Variants in FGD6 observed in about 807,000 individuals in gnomAD.
FGD6 encodes FYVE, RhoGEF and PH domain containing 6, also known as FYVE, RhoGEF and PH domain-containing protein 6.
Under a neutral mutation model 149.4 loss-of-function variants are expected in FGD6, and 90 were observed. That is an observed-to-expected ratio of 0.60 (90% CI 0.51 to 0.72). The LOEUF (loss-of-function observed/expected upper bound fraction) is 0.72, where lower values mean the gene tolerates loss of function less well. Among genes scored for constraint, FGD6 ranks in the 30% least tolerant of loss-of-function variants. The pLI is 0.00. For missense variants in FGD6, 1,437 were observed against 1,684.8 expected, an observed-to-expected ratio of 0.85 and a Z score of 2.57; for synonymous variants, 527 against 584.0, an observed-to-expected ratio of 0.90 and a Z score of 1.41.
chr12:95,094,528 T>C, intron 15 of FGD6, 64 bp downstream of exon 15: 1 of 1,109,530 alleles, frequency 9.0e-7, no homozygotes, highest in South Asian at 1.4e-5. Context: ...TAAACCCCTG[T>C]GAAATGTTTA....
intron 8 of FGD6, among the ~76,000 whole-genome samples, 189 bp from the exon 9 acceptor site, chr12:95,113,890 C>A (rs148012265): frequency 1.3e-5 from 2 of 152,192 alleles, no homozygotes; most frequent in East Asian, 3.9e-4. Context: ...AGAGTCAGAG[C>A]TAGAAAAAGC....
chr12:95,137,711 T>TAAAG (rs764168994), intron 6 of FGD6, 33 bp from the exon 7 acceptor site: 1 of 1,477,664 alleles, frequency 6.8e-7, no homozygotes, highest in South Asian at 1.4e-5. Context: ...CAAAAAAATA[T>TAAAG]AAAGAGAGAT....
At chr12:95,100,062 C>A (rs980568799) in intron 14 of FGD6, among the ~76,000 whole-genome samples, 1 of 137,046 alleles carries the variant, frequency 7.3e-6, no homozygotes, top group Non-Finnish European at 1.6e-5. Flanking sequence ...TGATCCCCCC[C>A]CCCCCCACCC....
chr12:95,121,113 AAAAT>A (rs1425540457), intron 8 of FGD6, among the ~76,000 whole-genome samples: 8 of 152,290 alleles, frequency 5.3e-5, no homozygotes, highest in African/African-American at 1.7e-4. Flanking sequence ...CTCAAAAAAT[AAAAT>A]AAATAAAATG....
intron 9 of FGD6, among the ~76,000 whole-genome samples, chr12:95,110,019 C>G (rs949606018): frequency 6.6e-6 from 1 of 151,838 alleles, no homozygotes. Flanking sequence ...CTCTGTCACC[C>G]AGGTTGGAGT....
At chr12:95,122,137 T>G (rs1879209362) in intron 8 of FGD6, among the ~76,000 whole-genome samples, 1 of 152,228 alleles carries the variant, frequency 6.6e-6, no homozygotes, top group Admixed American at 6.5e-5. Flanking sequence ...ATATCCTATT[T>G]ATTTCTATAC....
Position 95,149,300 on chromosome 12 carries a change from A to T in FGD6, c.2685+3511T>A, listed in dbSNP as rs182292993. Among the ~76,000 whole-genome samples, 345 of 62,114 alleles carry T rather than the reference A, an allele frequency of 5.6e-3. 4 individuals carry two copies. Among genetic ancestry groups the T allele is most frequent in the Middle Eastern group, 0.032 (2 of 62 alleles). The allele number at this position is 62,114 out of a possible 152,430, so 40.7% of individuals were successfully genotyped here. A position where few individuals can be genotyped will look rare whatever the true frequency, so the allele number is the denominator to read the frequency against. The stretch of plus-strand genomic sequence containing the variant: ...TATAGCATATATAATATTATATATA[A>T]TATATTATATTATATAGCATATATT... On this transcript the variant is annotated intron_variant, in intron 5 of 20. Transcript: ENST00000343958.
At chr12:95,175,118 A>C (rs973665441) in intron 2 of FGD6, among the ~76,000 whole-genome samples, 2 of 152,166 alleles carry the variant, frequency 1.3e-5, no homozygotes, top group Non-Finnish European at 2.9e-5. Context: ...AAAGCTTTAA[A>C]TATTAAAACT....
chr12:95,126,859 C>T (rs896505877), intron 8 of FGD6, among the ~76,000 whole-genome samples: 2 of 151,726 alleles, frequency 1.3e-5, no homozygotes, highest in Non-Finnish European at 1.5e-5. Context: ...ACCCAGGAGT[C>T]GGAAGTTGCA....
chr12:95,181,119 A>G (rs1881271251), intron 2 of FGD6, among the ~76,000 whole-genome samples: 1 of 152,192 alleles, frequency 6.6e-6, no homozygotes, highest in Non-Finnish European at 1.5e-5. Flanking sequence ...TCTAAATAAT[A>G]GGTAGGAAGG....
chr12:95,125,024 CA>C (rs539400329), intron 8 of FGD6, among the ~76,000 whole-genome samples: 4 of 151,262 alleles, frequency 2.6e-5, no homozygotes, highest in African/African-American at 7.3e-5. Context: ...TGTGGTATAG[CA>C]AAAAAAAATT....
chr12:95,110,274 C>T (rs1878772893), intron 9 of FGD6, among the ~76,000 whole-genome samples: 1 of 151,730 alleles, frequency 6.6e-6, no homozygotes, highest in Non-Finnish European at 1.5e-5. Flanking sequence ...CCACACCCGG[C>T]CTGTATTCTT....
intron 8 of FGD6, 78 bp from the exon 9 acceptor site, chr12:95,113,779 T>C: frequency 1.1e-6 from 1 of 895,120 alleles, no homozygotes; most frequent in Non-Finnish European, 1.7e-6. Context: ...TTTCAATACT[T>C]CATTAGTCTT....
chr12:95,155,316 C>A (rs1046475416), intron 3 of FGD6, among the ~76,000 whole-genome samples: 4 of 152,140 alleles, frequency 2.6e-5, no homozygotes, highest in Non-Finnish European at 5.9e-5. Context: ...CACCTGAGGT[C>A]AGGAGTTCGA....
At chr12:95,117,859 T>C (rs1164452012) in intron 8 of FGD6, among the ~76,000 whole-genome samples, 1 of 152,072 alleles carries the variant, frequency 6.6e-6, no homozygotes, top group Non-Finnish European at 1.5e-5. Flanking sequence ...CTGGCCAACA[T>C]GGTGAAACCC....
chr12:95,211,812 A>G (rs1240795363), intron 1 of FGD6, among the ~76,000 whole-genome samples: 1 of 152,146 alleles, frequency 6.6e-6, no homozygotes, highest in African/African-American at 2.4e-5. Context: ...TGCTGGGATT[A>G]TAGGCGTGAG....
intron 3 of FGD6, among the ~76,000 whole-genome samples, chr12:95,164,820 C>A (rs114223808): frequency 0.012 from 1,846 of 152,292 alleles, 39 homozygotes; most frequent in African/African-American, 0.042. Context: ...AACATCCAGA[C>A]TGCCTGAGAA....
chr12:95,089,785 T>C lies in FGD6; in HGVS notation c.3851-89A>G, dbSNP rs1239379329. On this transcript the variant is annotated intron_variant, in intron 17 of 20. Coordinates refer to ENST00000343958, the MANE Select transcript of FGD6 (RefSeq NM_018351.4). ...AATCCATAAACACTGTTGCATAAAATATCCATGGAAGGACACTAAGAAACA... is the reference window on the plus strand; with the variant it reads ...AATCCATAAACACTGTTGCATAAAACATCCATGGAAGGACACTAAGAAACA... 4.0e-6 allele frequency: 6 copies of C among 1,514,434 alleles called. No individual in the cohort carries two copies. The African/African-American group carries it at 8.3e-5, about 21-fold the overall frequency. The allele number at this position is 1,514,434 out of a possible 1,614,324, so 93.8% of individuals were successfully genotyped here.
At chr12:95,129,663 T>G (rs563413914) in intron 8 of FGD6, among the ~76,000 whole-genome samples, 10 of 152,224 alleles carry the variant, frequency 6.6e-5, no homozygotes, top group Admixed American at 2.0e-4. Context: ...TGAGTAAAAT[T>G]TACAAGTTTT....
Sources: gnomAD v4.1 joint callset for allele counts (sites outside exome capture counted in the v4.1 genomes callset) on GRCh38, gnomAD v4.1.1 for gene constraint, MANE v1.5 for transcripts, NCBI Gene and HGNC (gene_info 2026-07-23, HGNC 2026-07-21) for gene names.